Variants in DDX10 observed in about 807,000 individuals in gnomAD.
The protein encoded by DDX10 is probable ATP-dependent RNA helicase DDX10.
Under a neutral mutation model 104.3 loss-of-function variants are expected in DDX10, and 74 were observed. The observed-to-expected ratio is 0.71, with a 90% CI of 0.59 to 0.86. The LOEUF (loss-of-function observed/expected upper bound fraction) is 0.86. Ranked by LOEUF, DDX10 falls within the 40% of genes least tolerant of loss-of-function variation. The pLI, the probability that DDX10 is intolerant of heterozygous loss-of-function variation, is 0.00. For synonymous variants in DDX10, 351 were observed against 353.4 expected, an observed-to-expected ratio of 0.99 and a Z score of 0.08; for missense variants, 952 against 1,040.0, an observed-to-expected ratio of 0.92 and a Z score of 1.16.
At chr11:108,910,078 CA>C (rs747161005) in intron 16 of DDX10, among the ~76,000 whole-genome samples, 3,361 of 75,082 alleles carry the variant, frequency 0.045, 89 homozygotes, top group African/African-American at 0.12. Flanking sequence ...ATATTCTAGG[CA>C]AAAAAAAAAA....
At chr11:108,727,866 G>A in intron 13 of DDX10, 1 of 200,874 alleles carries the variant, frequency 5.0e-6, no homozygotes, top group Non-Finnish European at 1.0e-5. Flanking sequence ...AAATACATGT[G>A]AAGAGATCAT....
intron 13 of DDX10, among the ~76,000 whole-genome samples, chr11:108,738,206 A>G (rs981262085): frequency 1.3e-5 from 2 of 151,296 alleles, no homozygotes; most frequent in Non-Finnish European, 2.9e-5. Context: ...AATTACTATT[A>G]AAGCGCTGTA....
chr11:108,812,763 C>T (rs966948860), intron 13 of DDX10, among the ~76,000 whole-genome samples: 6 of 151,968 alleles, frequency 3.9e-5, no homozygotes, highest in African/African-American at 1.2e-4. Context: ...GGGTGGATCA[C>T]GTGAAGTCCA....
At chr11:108,669,814 A>G (rs1224491253) in intron 1 of DDX10, among the ~76,000 whole-genome samples, 1 of 152,158 alleles carries the variant, frequency 6.6e-6, no homozygotes, top group Non-Finnish European at 1.5e-5. Context: ...GTGATGTGAG[A>G]AAGACTTGGA....
chr11:108,827,513 T>C (rs1036177667), intron 13 of DDX10, among the ~76,000 whole-genome samples: 1 of 152,226 alleles, frequency 6.6e-6, no homozygotes, highest in African/African-American at 2.4e-5. Flanking sequence ...ATAGTGTGCT[T>C]TCTATTAAAC....
rs562405340 is a variant in DDX10, at chr11:108,745,148, C to T, written c.1965+21686C>T. ...CTTCCCCTTCTCCCTTCTCCTTCCA[C>T]TCACTCCCCTTTCTTCCCTTCCTCC... On this transcript the variant is annotated intron_variant, in intron 13 of 17. Coordinates refer to ENST00000322536, the MANE Select transcript of DDX10 (RefSeq NM_004398.4). Among the ~76,000 whole-genome samples, 701 of 127,358 alleles carry T rather than the reference C, an allele frequency of 5.5e-3. 8 individuals are homozygous for T. The highest frequency in any genetic ancestry group is 0.011 in the Middle Eastern group (3 of 266). 83.6% of individuals were successfully genotyped at this position (127,358 alleles called of 152,430 possible).
chr11:108,722,985 T>C lies in DDX10; in HGVS notation c.1500-12T>C. On this transcript the variant is annotated splice_polypyrimidine_tract_variant and intron_variant, in intron 12 of 17. Transcript: ENST00000322536. ...GTTGAGATGACTGTTTTCACGTTTT[T>C]CCATATTTAAGGTCTCTTGGTCTTG... The C allele has an allele frequency of 6.3e-7, 1 of 1,583,124 alleles. No individual in the cohort carries two copies. The highest frequency in any genetic ancestry group is 8.6e-7 in the Non-Finnish European group (1 of 1,168,950).
intron 13 of DDX10, among the ~76,000 whole-genome samples, chr11:108,740,351 T>C (rs1255730896): frequency 6.6e-6 from 1 of 152,202 alleles, no homozygotes; most frequent in Non-Finnish European, 1.5e-5. Context: ...TATTCCGATG[T>C]GTGTACATAC....
chr11:108,931,680 A>G (rs967572138), intron 17 of DDX10, among the ~76,000 whole-genome samples: 2 of 152,186 alleles, frequency 1.3e-5, no homozygotes, highest in African/African-American at 4.8e-5. Context: ...CTTGATAGAG[A>G]CGAAGTTACA....
rs115522575 is a variant in DDX10, at chr11:108,733,613, G to A, written c.1965+10151G>A. Among the ~76,000 whole-genome samples, 284 of 152,258 alleles carry A rather than the reference G, an allele frequency of 1.9e-3. 1 individual carries two copies. Among genetic ancestry groups the A allele is most frequent in the African/African-American group, 6.3e-3 (262 of 41,538 alleles). ...GCGCTAGCACTGGAGTCTGTACTTA[G>A]GCCCCTCTGACTTGCCTCGGTATGA... is the stretch of plus-strand genomic sequence containing the variant. On this transcript the variant is annotated intron_variant, in intron 13 of 17. Transcript: ENST00000322536.
At chr11:108,904,711 C>A (rs1863566975) in intron 16 of DDX10, among the ~76,000 whole-genome samples, 2 of 151,420 alleles carry the variant, frequency 1.3e-5, no homozygotes, top group South Asian at 4.2e-4. Flanking sequence ...TAGATCTCAA[C>A]TAGTTCCGTC....
intron 13 of DDX10, among the ~76,000 whole-genome samples, chr11:108,760,405 A>G (rs1264882151): frequency 6.6e-6 from 1 of 152,006 alleles, no homozygotes; most frequent in Non-Finnish European, 1.5e-5. Context: ...CACTTTCTGT[A>G]TTTTTAAGAA....
At chr11:108,819,401 T>A (rs1862295806) in intron 13 of DDX10, among the ~76,000 whole-genome samples, 1 of 152,206 alleles carries the variant, frequency 6.6e-6, no homozygotes, top group South Asian at 2.1e-4. Flanking sequence ...ACATTTAGAT[T>A]AGCATTTTGA....
chr11:108,764,254 A>G (rs2726922), intron 13 of DDX10, among the ~76,000 whole-genome samples: 1 of 152,180 alleles, frequency 6.6e-6, no homozygotes, highest in Non-Finnish European at 1.5e-5. Flanking sequence ...AGCCACATAC[A>G]GCACATGATG....
chr11:108,926,506 T>C (rs1304330925), intron 17 of DDX10, among the ~76,000 whole-genome samples: 2 of 152,214 alleles, frequency 1.3e-5, no homozygotes, highest in Non-Finnish European at 2.9e-5. Flanking sequence ...ACCAGTTTTT[T>C]CCTCTCCTTT....
At chr11:108,686,089 G>T (rs1435106131) in intron 6 of DDX10, among the ~76,000 whole-genome samples, 1 of 152,040 alleles carries the variant, frequency 6.6e-6, no homozygotes, top group African/African-American at 2.4e-5. Flanking sequence ...CTTCTTTAAA[G>T]ACTGTTTTTT....
chr11:108,713,578 C>A (rs2094287427), intron 10 of DDX10, among the ~76,000 whole-genome samples: 1 of 152,166 alleles, frequency 6.6e-6, no homozygotes, highest in Non-Finnish European at 1.5e-5. Flanking sequence ...CTATTAGAAT[C>A]CCTAGCATAT....
chr11:108,919,696 C>A (rs1201970153), intron 17 of DDX10: 1 of 152,194 alleles, frequency 6.6e-6, no homozygotes, highest in Non-Finnish European at 1.5e-5. Context: ...AAATAGTCAA[C>A]CTTTGAAACC....
intron 9 of DDX10, among the ~76,000 whole-genome samples, chr11:108,706,313 T>C (rs749150964): frequency 1.2e-4 from 18 of 152,166 alleles, no homozygotes; most frequent in Non-Finnish European, 2.1e-4. Context: ...AGAACAATTT[T>C]ACTTCCAAGG....
Sources: allele counts gnomAD v4.1 joint callset (sites outside exome capture counted in the v4.1 genomes callset), GRCh38; gene constraint gnomAD v4.1.1; transcripts MANE v1.5; gene names NCBI Gene and HGNC (gene_info 2026-07-23, HGNC 2026-07-21).